The following KHDRBS2 variants were observed in gnomAD, a reference collection of about 807,000 sequenced individuals.
The protein encoded by KHDRBS2 is KH domain-containing, RNA-binding, signal transduction-associated protein 2.
KHDRBS2 carries 26 observed loss-of-function variants against 44.3 expected under a neutral mutation model. The observed-to-expected ratio is 0.59, with a 90% CI of 0.43 to 0.81. The LOEUF is 0.81. Among genes scored for constraint, KHDRBS2 ranks in the 40% least tolerant of loss-of-function variants. The probability of loss-of-function intolerance (pLI) is 0.00; values close to 1 mark genes in which losing one functional copy is unlikely to be tolerated. For missense variants in KHDRBS2, 476 were observed against 433.1 expected, an observed-to-expected ratio of 1.10 and a Z score of -0.88; for synonymous variants, 194 against 151.1, an observed-to-expected ratio of 1.28 and a Z score of -2.08.
chr6:61,570,668 C>T, the KHDRBS2 span, among the ~76,000 whole-genome samples: 1 of 152,174 alleles, frequency 6.6e-6, no homozygotes, highest in African/African-American at 2.4e-5. Context: ...AGCTGTGAGA[C>T]AAAAGTATCA....
At chr6:62,038,111 C>T (rs1785679399) in intron 3 of KHDRBS2, among the ~76,000 whole-genome samples, 1 of 151,938 alleles carries the variant, frequency 6.6e-6, no homozygotes, top group Non-Finnish European at 1.5e-5. Flanking sequence ...ATCAGCATCC[C>T]CGGAAGTGCA....
At chr6:61,864,238 T>C (rs768266615) in intron 6 of KHDRBS2, among the ~76,000 whole-genome samples, 1 of 152,164 alleles carries the variant, frequency 6.6e-6, no homozygotes, top group Admixed American at 6.5e-5. Flanking sequence ...AGCTTGCCAC[T>C]CTGTGTCTTT....
chr6:62,109,608 T>C (rs936706856), intron 2 of KHDRBS2, among the ~76,000 whole-genome samples: 1 of 152,006 alleles, frequency 6.6e-6, no homozygotes, highest in East Asian at 1.9e-4. Context: ...AAGATCAATA[T>C]ATAAAAGATC....
chr6:62,188,542 G>A (rs1321649525), intron 1 of KHDRBS2, among the ~76,000 whole-genome samples: 3 of 152,240 alleles, frequency 2.0e-5, no homozygotes, highest in Non-Finnish European at 2.9e-5. Flanking sequence ...TTAGATAAGC[G>A]TGATTAAAAA....
the KHDRBS2 span, among the ~76,000 whole-genome samples, chr6:61,589,850 C>A: frequency 6.6e-6 from 1 of 152,110 alleles, no homozygotes; most frequent in Non-Finnish European, 1.5e-5. Context: ...AATAATCTCT[C>A]CCACATTCCC....
intron 1 of KHDRBS2, among the ~76,000 whole-genome samples, chr6:62,242,781 G>A (rs983925897): frequency 6.6e-6 from 1 of 152,116 alleles, no homozygotes; most frequent in Admixed American, 6.6e-5. Flanking sequence ...ATCTCTTTCA[G>A]AACTGATGCT....
At chr6:61,862,097 C>T (rs1372480370) in intron 6 of KHDRBS2, among the ~76,000 whole-genome samples, 1 of 152,036 alleles carries the variant, frequency 6.6e-6, no homozygotes, top group Non-Finnish European at 1.5e-5. Context: ...TGCTTATCAA[C>T]TTAAGAAGTT....
chr6:61,671,193 T>C, the KHDRBS2 span, among the ~76,000 whole-genome samples: 2 of 151,626 alleles, frequency 1.3e-5, no homozygotes, highest in Admixed American at 1.3e-4. Context: ...ATGTAAGTCA[T>C]CCTGAGAGGC....
At chr6:61,568,878 A>G in the KHDRBS2 span, among the ~76,000 whole-genome samples, 1 of 152,200 alleles carries the variant, frequency 6.6e-6, no homozygotes, top group Non-Finnish European at 1.5e-5. Context: ...TCCAACTGAA[A>G]TTAGTAACAA....
At chr6:62,071,166 C>T (rs952504117) in intron 2 of KHDRBS2, among the ~76,000 whole-genome samples, 14 of 152,150 alleles carry the variant, frequency 9.2e-5, no homozygotes, top group South Asian at 4.2e-4. Flanking sequence ...TCATGTCCTT[C>T]GCCCACTTGT....
chr6:61,995,456 G>A (rs1253268572), intron 3 of KHDRBS2, among the ~76,000 whole-genome samples: 1 of 152,164 alleles, frequency 6.6e-6, no homozygotes, highest in Non-Finnish European at 1.5e-5. Flanking sequence ...AAAATGAGCA[G>A]GGAGCAAGGA....
chr6:61,962,891 G>T (rs1288982172), intron 4 of KHDRBS2, among the ~76,000 whole-genome samples: 1 of 152,054 alleles, frequency 6.6e-6, no homozygotes, highest in African/African-American at 2.4e-5. Flanking sequence ...AATAAAAAGG[G>T]AAACACATTT....
At chr6:62,169,143 A>T (rs1562991586) in intron 2 of KHDRBS2, among the ~76,000 whole-genome samples, 2 of 111,380 alleles carry the variant, frequency 1.8e-5, no homozygotes, top group Admixed American at 1.8e-4. Flanking sequence ...ACACACATAT[A>T]TGTGTGTATA....
chr6:61,656,564 CAGT>C, the KHDRBS2 span, among the ~76,000 whole-genome samples: 1 of 151,920 alleles, frequency 6.6e-6, no homozygotes, highest in African/African-American at 2.4e-5. Context: ...GCATGTAACT[CAGT>C]GGTGTGCTGG....
intron 3 of KHDRBS2, among the ~76,000 whole-genome samples, chr6:62,041,544 T>G (rs1173494533): frequency 6.6e-6 from 1 of 152,132 alleles, no homozygotes; most frequent in Admixed American, 6.6e-5. Flanking sequence ...GATTCTGTGA[T>G]TCTCTCATTT....
chr6:61,894,974 T>C, intron 5 of KHDRBS2, 141 bp from the exon 6 acceptor site: 1 of 604,866 alleles, frequency 1.7e-6, no homozygotes, highest in Non-Finnish European at 2.9e-6. Context: ...TGTGTGTGTG[T>C]ATGCATTTAA....
Position 61,955,695 on chromosome 6 carries a change from T to C in KHDRBS2, c.483+22371A>G, listed in dbSNP as rs1415871840. 2.5e-5 allele frequency among the ~76,000 whole-genome samples: 3 copies of C among 121,062 alleles called. 1 individual carries two copies. In the East Asian group the frequency reaches 7.5e-4, roughly 30 times the overall value. The allele number at this position is 121,062 out of a possible 152,430, so 79.4% of individuals were successfully genotyped here. On this transcript the variant is annotated intron_variant, in intron 4 of 8. Coordinates refer to ENST00000281156, the MANE Select transcript of KHDRBS2 (RefSeq NM_152688.4). ...GTACACATATGTATGTATACATATATGTGTATATATACACATATGTATGTA... is the reference window on the plus strand; with the variant it reads ...GTACACATATGTATGTATACATATACGTGTATATATACACATATGTATGTA...
the KHDRBS2 span, chr6:61,574,445 T>C: frequency 1.4e-6 from 2 of 1,438,234 alleles, no homozygotes; most frequent in Non-Finnish European, 9.3e-7. Flanking sequence ...AATTTACCAA[T>C]GCAAACAACA....
At chr6:62,046,976 A>C (rs1051704809) in intron 3 of KHDRBS2, among the ~76,000 whole-genome samples, 1 of 151,946 alleles carries the variant, frequency 6.6e-6, no homozygotes, top group Non-Finnish European at 1.5e-5. Flanking sequence ...TATGTATGAT[A>C]TATTCACCAG....
Sources: gnomAD v4.1 joint callset for allele counts (sites outside exome capture counted in the v4.1 genomes callset) on GRCh38, gnomAD v4.1.1 for gene constraint, MANE v1.5 for transcripts, NCBI Gene and HGNC (gene_info 2026-07-23, HGNC 2026-07-21) for gene names.